Variants in TATDN3 observed in about 807,000 individuals in gnomAD.
TATDN3 encodes the protein TatD DNase domain containing 3, also known as deoxyribonuclease TATDN3.
A neutral mutation model predicts 40.1 loss-of-function variants in TATDN3; 29 were observed. The observed-to-expected ratio is 0.72, with a 90% CI of 0.54 to 0.99. The LOEUF (loss-of-function observed/expected upper bound fraction) is 0.99, where lower values mean the gene tolerates loss of function less well. Among genes scored for constraint, TATDN3 ranks in the 50% least tolerant of loss-of-function variants. TATDN3 has a pLI of 0.00. For missense variants in TATDN3, 309 were observed against 321.9 expected, an observed-to-expected ratio of 0.96 and a Z score of 0.31; for synonymous variants, 105 against 117.0, an observed-to-expected ratio of 0.90 and a Z score of 0.66.
chr1:212,805,290 CTG>C (rs1385084586), intron 7 of TATDN3, among the ~76,000 whole-genome samples: 1 of 151,924 alleles, frequency 6.6e-6, no homozygotes. Context: ...CAGTCTCACT[CTG>C]TTGCCCAGGC....
rs1198013573 is a variant in TATDN3 at position 212,807,736 on chromosome 1, G to C, written c.488G>C (p.Gly163Ala). ...CTGCCTTATCTTTCATTTTTGAAAGGTGCTGAGAAGGTACTGCTGCATGCA... is the reference window on the plus strand; with the variant it reads ...CTGCCTTATCTTTCATTTTTGAAAGCTGCTGAGAAGGTACTGCTGCATGCA... ...RPTINLLQEQ[G>A]AEKVLLHAFD... is the part of the protein sequence containing the mutation. The change falls in exon 8 of 10, where the codon GGT (glycine) becomes GCT (alanine). Residue 163 changes from glycine to alanine, a missense_variant and splice_region_variant. By Grantham distance (60) the Gly-to-Ala change is moderately conservative (BLOSUM62 0). Coordinates refer to ENST00000366974, the MANE Select transcript of TATDN3 (RefSeq NM_001042552.3). 6.2e-7 allele frequency: 1 copy of C among 1,606,510 alleles called. No individual in the cohort carries two copies.
intron 1 of TATDN3, chr1:212,794,687 G>A (rs1015274151): frequency 4.4e-6 from 2 of 459,124 alleles, no homozygotes; most frequent in African/African-American, 4.0e-5. Context: ...AGGAGCAGAT[G>A]TTCTTGAAGT....
chr1:212,799,885 T>G (rs1344149469), intron 4 of TATDN3, among the ~76,000 whole-genome samples: 4 of 152,224 alleles, frequency 2.6e-5, no homozygotes, highest in Admixed American at 1.3e-4. Context: ...TTATCAAATG[T>G]TGTGATAATA....
intron 9 of TATDN3, among the ~76,000 whole-genome samples, chr1:212,813,481 C>T (rs1009317877): frequency 6.6e-6 from 1 of 151,760 alleles, no homozygotes; most frequent in African/African-American, 2.4e-5. Context: ...TCCGTTTATT[C>T]AGAAACTATG....
chr1:212,798,053 A>T (rs1352132763), intron 4 of TATDN3, among the ~76,000 whole-genome samples: 1 of 152,152 alleles, frequency 6.6e-6, no homozygotes, highest in Non-Finnish European at 1.5e-5. Flanking sequence ...TAGGCTGGAC[A>T]CAGTGGCTCG....
rs1311291374 is a variant in TATDN3 at position 212,816,458 on chromosome 1, A to C, written c.*1302A>C. On this transcript the variant is annotated 3_prime_UTR_variant, in exon 10 of 10. Transcript: ENST00000366974. ...TGTACACTTATAACGAATTAGGATA[A>C]ATTTTATGTTATGTGTATTTACTAC... The C allele has an allele frequency of 1.3e-5, 2 of 152,204 alleles. No homozygotes were observed. The highest frequency in any genetic ancestry group is 2.4e-5 in the African/African-American group (1 of 41,440). 9.4% of individuals were successfully genotyped at this position (152,204 alleles called of 1,614,324 possible). A position where few individuals can be genotyped will look rare whatever the true frequency, so the allele number is the denominator to read the frequency against.
chr1:212,798,505 T>C (rs1661947427), intron 4 of TATDN3, among the ~76,000 whole-genome samples: 1 of 126,000 alleles, frequency 7.9e-6, no homozygotes, highest in Non-Finnish European at 1.6e-5. Flanking sequence ...AAGACCAGCC[T>C]GGGCAACATG....
chr1:212,798,536 C>CAAAAA (rs11296428), intron 4 of TATDN3, among the ~76,000 whole-genome samples: 1,160 of 90,296 alleles, frequency 0.013, 1 homozygote, highest in Non-Finnish European at 0.016. Context: ...CTCAAAAACT[C>CAAAAA]AAAAAAAAAA....
chr1:212,802,902 T>C (rs1005671056), intron 5 of TATDN3, 139 bp downstream of exon 5: 1 of 577,464 alleles, frequency 1.7e-6, no homozygotes, highest in Non-Finnish European at 3.0e-6. Context: ...TAATAATTCG[T>C]TGATACTTCT....
At chr1:212,804,285 C>A in intron 5 of TATDN3, 35 bp from the exon 6 acceptor site, 1 of 1,528,288 alleles carries the variant, frequency 6.5e-7, no homozygotes, top group Non-Finnish European at 9.0e-7. Context: ...TTCCTTAAAC[C>A]TAAATATGTA....
chr1:212,804,120 T>TA (rs768878356), intron 5 of TATDN3, among the ~76,000 whole-genome samples, 200 bp from the exon 6 acceptor site: 3 of 152,146 alleles, frequency 2.0e-5, no homozygotes, highest in Non-Finnish European at 4.4e-5. Context: ...ATTTGGGATA[T>TA]ATTGGGTTAA....
chr1:212,793,053 G>C (rs1661465819), intron 1 of TATDN3: 1 of 152,140 alleles, frequency 6.6e-6, no homozygotes, highest in Non-Finnish European at 1.5e-5. Flanking sequence ...GCACATTTCA[G>C]TTGCCAAAAA....
At chr1:212,794,518 G>C (rs1661599914) in intron 1 of TATDN3, among the ~76,000 whole-genome samples, 1 of 152,116 alleles carries the variant, frequency 6.6e-6, no homozygotes, top group Non-Finnish European at 1.5e-5. Flanking sequence ...TTGAACCCGG[G>C]TGGCAGAGGT....
intron 7 of TATDN3, among the ~76,000 whole-genome samples, chr1:212,806,726 T>TTC (rs1553257489): frequency 0.11 from 8,145 of 73,056 alleles, 1,603 homozygotes; most frequent in Non-Finnish European, 0.2. Flanking sequence ...TAAGAATTTA[T>TTC]TCTCTCTCTC....
At chr1:212,793,598 G>A (rs755244550) in intron 1 of TATDN3, among the ~76,000 whole-genome samples, 8 of 152,202 alleles carry the variant, frequency 5.3e-5, no homozygotes, top group Non-Finnish European at 8.8e-5. Flanking sequence ...GGAGGCTTTT[G>A]CAGTATATAG....
chr1:212,815,053 A>G lies in TATDN3; in HGVS notation c.722A>G (p.Tyr241Cys). The change falls in exon 10 of 10, where the codon TAT (tyrosine) becomes TGT (cysteine). Residue 241 changes from tyrosine to cysteine, a missense_variant. Transcript: ENST00000366974. ...EPWNISISAE[Y>C]IAQVKGISVE... is the part of the protein sequence containing the mutation. ...TGGAACATTTCTATTTCAGCAGAATATATTGCCCAGGTGAAAGGGATCTCA... is the reference window on the plus strand; with the variant it reads ...TGGAACATTTCTATTTCAGCAGAATGTATTGCCCAGGTGAAAGGGATCTCA... The G allele has an allele frequency of 6.2e-7, 1 of 1,614,086 alleles. No homozygotes were observed. Among genetic ancestry groups the G allele is most frequent in the Non-Finnish European group, 8.5e-7 (1 of 1,180,016 alleles).
At chr1:212,808,326 A>C (rs1447955410) in intron 8 of TATDN3, among the ~76,000 whole-genome samples, 9 of 151,868 alleles carry the variant, frequency 5.9e-5, no homozygotes, top group Admixed American at 5.9e-4. Context: ...AAAAAAAAAA[A>C]AACTAAAAAT....
chr1:212,804,336 C>G lies in TATDN3; in HGVS notation c.338C>G (p.Ser113Cys). The change falls in exon 6 of 10, where the codon TCC (serine) becomes TGC (cysteine). Residue 113 changes from serine to cysteine, a missense_variant. By Grantham distance (112) the Ser-to-Cys change is moderately radical (BLOSUM62 -1). Transcript: ENST00000366974. The part of the protein sequence containing the change: ...LAIGEVGLDF[S>C]PRFAGTGEQK... ...CTGCTCTAGGTTGGACTAGATTTCTCCCCCAGATTTGCTGGCACTGGTGAA... is the reference window on the plus strand; with the variant it reads ...CTGCTCTAGGTTGGACTAGATTTCTGCCCCAGATTTGCTGGCACTGGTGAA... The G allele has an allele frequency of 6.2e-7, 1 of 1,613,674 alleles. No individual in the cohort carries two copies.
At chr1:212,804,957 TTTTA>T (rs1202367074) in intron 7 of TATDN3, among the ~76,000 whole-genome samples, 1 of 152,170 alleles carries the variant, frequency 6.6e-6, no homozygotes, top group Non-Finnish European at 1.5e-5. Context: ...CTCCAGTTTC[TTTTA>T]TTTATTTATT....
Sources: gnomAD v4.1 joint callset for allele counts (sites outside exome capture counted in the v4.1 genomes callset) on GRCh38, gnomAD v4.1.1 for gene constraint, MANE v1.5 for transcripts, NCBI Gene and HGNC (gene_info 2026-07-23, HGNC 2026-07-21) for gene names.